The following EPHA1 variants were observed in gnomAD, a reference collection of about 807,000 sequenced individuals.
EPHA1 encodes the protein ephrin type-A receptor 1.
In EPHA1, 92 loss-of-function variants were observed where a neutral mutation model predicts 110.1. The ratio of observed to expected loss-of-function variants is 0.84; its 90% CI spans 0.71 to 0.99. EPHA1 has a LOEUF of 0.99. Ranked by LOEUF, EPHA1 falls within the 50% of genes least tolerant of loss-of-function variation. The pLI, the probability that EPHA1 is intolerant of heterozygous loss-of-function variation, is 0.00. For synonymous variants in EPHA1, 500 were observed against 516.1 expected, an observed-to-expected ratio of 0.97 and a Z score of 0.42; for missense variants, 1,204 against 1,285.4, an observed-to-expected ratio of 0.94 and a Z score of 0.97.
At position 143,405,142 on chromosome 7, in the gene EPHA1, C is replaced by T. The variant is rs1055066347; in HGVS notation, c.150+2469G>A. Among the ~76,000 whole-genome samples the T allele has an allele frequency of 2.6e-5, 4 of 152,138 alleles. No individual in the cohort carries two copies. The East Asian group carries it at 7.8e-4, about 30-fold the overall frequency. ...ATGAAAAAGGCACCAGGAGGCTTCT[C>T]CTAAGGAAGGCTGTGCTGGGGAAGC... On this transcript the variant is annotated intron_variant, in intron 2 of 17. Transcript: ENST00000275815.
chr7:143,401,610 AAGG>A lies in EPHA1; in HGVS notation c.151-8_151-6del. 1 of 1,606,652 alleles carries A rather than the reference AAGG, an allele frequency of 6.2e-7. No homozygotes were observed. The highest frequency in any genetic ancestry group is 8.5e-7 in the Non-Finnish European group (1 of 1,173,826). On this transcript the variant is annotated splice_polypyrimidine_tract_variant and splice_region_variant and intron_variant, in intron 2 of 17. Coordinates refer to ENST00000275815, the MANE Select transcript of EPHA1 (RefSeq NM_005232.5). The surrounding 1 kb of genome is among the most constrained non-coding windows in gnomAD (Gnocchi z 4.1). ...TATCTGTTGCTGTTCACTCCACTGC[AAGG>A]AGGAAATCAGAGTCAGGGACCAGAT...
In EPHA1 at chr7:143,397,345, C is replaced by T; in HGVS notation, c.1730G>A (p.Arg577Lys). ...VFRSRRAQRQ[R>K]QQRQRDRATD... ...GGCGCGGTCACGCTGCCTCTGCTGCCTCTGCCGCTGGGCTCTCCTGTGGGG... is the reference window on the plus strand; with the variant it reads ...GGCGCGGTCACGCTGCCTCTGCTGCTTCTGCCGCTGGGCTCTCCTGTGGGG... The change falls in exon 10 of 18, where the codon AGG becomes AAG. Residue 577 changes from arginine to lysine, a missense_variant. Transcript: ENST00000275815. 1 of 1,550,096 alleles carries T rather than the reference C, an allele frequency of 6.5e-7. No individual in the cohort carries two copies. The highest frequency in any genetic ancestry group is 8.7e-7 in the Non-Finnish European group (1 of 1,146,912).
Position 143,398,920 on chromosome 7 carries a change from C to T in EPHA1, c.1017G>A (p.Leu339=), listed in dbSNP as rs147429531. 2.5e-6 allele frequency: 4 copies of T among 1,611,012 alleles called. No homozygotes were observed. The highest frequency in any genetic ancestry group is 1.1e-5 in the South Asian group (1 of 90,856). Residue 339 remains leucine, a synonymous_variant, in exon 6 of 18, where the codon CTG becomes CTA. Coordinates refer to ENST00000275815, the MANE Select transcript of EPHA1 (RefSeq NM_005232.5). ...GCTGAGTCCCTGAGGCAGAGAAGCT[C>T]AGGTTTCGGGGGGCCGAGGGGGGAC... ...CTGPPSAPRN[L]SFSASGTQLS... is the part of the protein sequence containing the mutation.
At chr7:143,400,947 A>G (rs10952550) in intron 3 of EPHA1, 211,700 of 227,416 alleles carry the variant, frequency 0.93, 98,782 homozygotes, top group Middle Eastern at 0.99. Flanking sequence ...AGGCTGGTGT[A>G]CAGTGGCACA....
chr7:143,405,166 G>C (rs1484247435), intron 2 of EPHA1, among the ~76,000 whole-genome samples: 1 of 152,080 alleles, frequency 6.6e-6, no homozygotes, highest in African/African-American at 2.4e-5. Flanking sequence ...TGCTGGGGAA[G>C]CCCAAGTGGA....
In EPHA1 at chr7:143,395,555, AG is replaced by A. The variant is rs774592197; in HGVS notation, c.1898-52del. On this transcript the variant is annotated intron_variant, in intron 11 of 17. Transcript: ENST00000275815. This position sits in a 1 kb window ranked among gnomAD's most constrained non-coding sequence, Gnocchi z 4.7. ...GCCCGATGCACTGCAGGGCTCCTCCAGGGGACAGGCAGCAACCCCTCCAGTC... is the reference window on the plus strand; with the variant it reads ...GCCCGATGCACTGCAGGGCTCCTCCAGGGACAGGCAGCAACCCCTCCAGTC... The A allele has an allele frequency of 6.3e-7, 1 of 1,591,746 alleles. No homozygotes were observed. The highest frequency in any genetic ancestry group is 2.2e-5 in the East Asian group (1 of 44,642).
In EPHA1 at chr7:143,395,462, C is replaced by A. The variant is rs1805217669; in HGVS notation, c.1940G>T (p.Ser647Ile). 1 of 1,614,216 alleles carries A rather than the reference C, an allele frequency of 6.2e-7. No individual in the cohort carries two copies. Among genetic ancestry groups the A allele is most frequent in the African/African-American group, 1.3e-5 (1 of 75,054 alleles). Reference protein sequence around the residue: ...EVYRGTLRLPSQDCKTVAIKT... With the variant: ...EVYRGTLRLPIQDCKTVAIKT... Reference sequence around the variant, plus strand: ...AATGGCCACAGTCTTGCAGTCCTGGCTGGGGAGCCTCAGGGTCCCTCGATA... The same window carrying A: ...AATGGCCACAGTCTTGCAGTCCTGGATGGGGAGCCTCAGGGTCCCTCGATA... Residue 647 changes from serine (S) to isoleucine (I), a missense_variant, in exon 12 of 18, where the codon AGC becomes ATC. By Grantham distance (142) the Ser-to-Ile change is moderately radical. Transcript: ENST00000275815. This position sits in a 1 kb window ranked among gnomAD's most constrained non-coding sequence, Gnocchi z 4.7.
rs372390038 is a variant in EPHA1 at position 143,393,702 on chromosome 7, A to G, written c.2665T>C (p.Ser889Pro). The part of the protein sequence containing the change: ...HLEQLLANPH[S>P]LRTIANFDPR... Reference sequence around the variant, plus strand: ...TCAAAGTTGGCAATGGTCCGCAGGGAGTGGGGGTTGGCAAGCAGTTGCTCC... The same window carrying G: ...TCAAAGTTGGCAATGGTCCGCAGGGGGTGGGGGTTGGCAAGCAGTTGCTCC... The change falls in exon 16 of 18, where the codon TCC becomes CCC. Residue 889 changes from serine to proline, a missense_variant. Physicochemically the swap from Ser to Pro is moderately conservative, Grantham distance 74. Coordinates refer to ENST00000275815, the MANE Select transcript of EPHA1 (RefSeq NM_005232.5). The surrounding 1 kb of genome is among the most constrained non-coding windows in gnomAD (Gnocchi z 5.6). 6.2e-7 allele frequency: 1 copy of G among 1,613,416 alleles called. No homozygotes were observed.
chr7:143,394,323 A>C lies in EPHA1; in HGVS notation c.2373T>G (p.Arg791=), dbSNP rs201338212. 2.1e-5 allele frequency: 34 copies of C among 1,613,946 alleles called. 1 individual carries two copies. The Middle Eastern group carries it at 6.6e-4, about 31-fold the overall frequency. ...YETQGGKIPI[R]WTAPEAIAHR... is the part of the protein sequence containing the mutation. ...GGGCAATGGCTTCAGGGGCTGTCCA[A>C]CGGATAGGGATCTTTCCTCCCTAAG... The change falls in exon 15 of 18, where the codon CGT becomes CGG. Residue 791 remains arginine (R), a synonymous_variant. Coordinates refer to ENST00000275815, the MANE Select transcript of EPHA1 (RefSeq NM_005232.5).
In EPHA1 at chr7:143,398,452, G is replaced by A. The variant is rs377340858; in HGVS notation, c.1337-4C>T. ...AGAGACAGGCCTGACAGTGACTCTG[G>A]GGGTCCAGAGGGATAAGGTTGGATA... is the stretch of plus-strand genomic sequence containing the variant. On this transcript the variant is annotated splice_region_variant and splice_polypyrimidine_tract_variant and intron_variant, in intron 6 of 17. Coordinates refer to ENST00000275815, the MANE Select transcript of EPHA1 (RefSeq NM_005232.5). The A allele has an allele frequency of 6.2e-6, 10 of 1,613,984 alleles. No individual in the cohort carries two copies. The highest frequency in any genetic ancestry group is 5.3e-5 in the African/African-American group (4 of 74,916).
intron 16 of EPHA1, among the ~76,000 whole-genome samples, 160 bp from the exon 17 acceptor site, chr7:143,391,935 G>T (rs1805099146): frequency 1.3e-5 from 2 of 152,190 alleles, no homozygotes; most frequent in African/African-American, 4.8e-5. Flanking sequence ...CCACTTCCTG[G>T]CCTGTTTCCT....
chr7:143,395,588 C>T lies in EPHA1; in HGVS notation c.1898-84G>A. ...GGCAGCAACCCCTCCAGTCCTCCGGCCCTTTTCTTTTCTGGAGAATCAGAA... is the reference window on the plus strand; with the variant it reads ...GGCAGCAACCCCTCCAGTCCTCCGGTCCTTTTCTTTTCTGGAGAATCAGAA... On this transcript the variant is annotated intron_variant, in intron 11 of 17. Coordinates refer to ENST00000275815, the MANE Select transcript of EPHA1 (RefSeq NM_005232.5). The surrounding 1 kb of genome is among the most constrained non-coding windows in gnomAD (Gnocchi z 4.7). 1 of 1,420,148 alleles carries T rather than the reference C, an allele frequency of 7.0e-7. No individual in the cohort carries two copies. Among genetic ancestry groups the T allele is most frequent in the Non-Finnish European group, 9.6e-7 (1 of 1,042,690 alleles). 88.0% of individuals were successfully genotyped at this position (1,420,148 alleles called of 1,614,324 possible).
chr7:143,401,588 C>G lies in EPHA1; in HGVS notation c.168G>C (p.Gln56His). The G allele has an allele frequency of 6.2e-7, 1 of 1,612,916 alleles. No individual in the cohort carries two copies. The highest frequency in any genetic ancestry group is 8.5e-7 in the Non-Finnish European group (1 of 1,179,022). ...TGTACAGGGGTGTCCCATTCAGTATCTGTTGCTGTTCACTCCACTGCAAGG... is the reference window on the plus strand; with the variant it reads ...TGTACAGGGGTGTCCCATTCAGTATGTGTTGCTGTTCACTCCACTGCAAGG... ...PPKDGWSEQQ[Q>H]ILNGTPLYMY... Residue 56 changes from glutamine to histidine, a missense_variant, in exon 3 of 18, where the codon CAG (glutamine) becomes CAC (histidine). By Grantham distance (24) the Gln-to-His change is conservative. Coordinates refer to ENST00000275815, the MANE Select transcript of EPHA1 (RefSeq NM_005232.5). The surrounding 1 kb of genome is among the most constrained non-coding windows in gnomAD (Gnocchi z 4.1).
At chr7:143,406,160 TG>T (rs1805542161) in intron 2 of EPHA1, among the ~76,000 whole-genome samples, 1 of 151,832 alleles carries the variant, frequency 6.6e-6, no homozygotes, top group African/African-American at 2.4e-5. Flanking sequence ...TAGACTGGGG[TG>T]GGGGAGGCCT....
rs1412334805 is a variant in EPHA1 at position 143,398,703 on chromosome 7, A to G, written c.1234T>C (p.Tyr412His). 2 of 1,614,090 alleles carry G rather than the reference A, an allele frequency of 1.2e-6. No individual in the cohort carries two copies. The highest frequency in any genetic ancestry group is 8.5e-7 in the Non-Finnish European group (1 of 1,179,984). The change falls in exon 6 of 18, where the codon TAT (tyrosine) becomes CAT (histidine). Residue 412 changes from tyrosine (Y) to histidine (H), a missense_variant. Physicochemically the swap from Tyr to His is moderately conservative, Grantham distance 83 (BLOSUM62 2). Coordinates refer to ENST00000275815, the MANE Select transcript of EPHA1 (RefSeq NM_005232.5). ...PAVHVNGLEP[Y>H]ANYTFNVEAQ... Reference sequence around the variant, plus strand: ...TCCACATTAAAGGTGTAGTTGGCATAAGGTTCAAGGCCATTGACATGCACT... The same window carrying G: ...TCCACATTAAAGGTGTAGTTGGCATGAGGTTCAAGGCCATTGACATGCACT...
chr7:143,399,229 G>A, intron 5 of EPHA1, 29 bp downstream of exon 5: 1 of 1,597,640 alleles, frequency 6.3e-7, no homozygotes. Flanking sequence ...CCTCCCTCCA[G>A]ATGGCCACGC....
At chr7:143,397,183 A>C in intron 10 of EPHA1, 121 bp downstream of exon 10, 7 of 1,207,786 alleles carry the variant, frequency 5.8e-6, no homozygotes, top group Non-Finnish European at 7.9e-6. Flanking sequence ...ATGTGCCCCC[A>C]GAGTTGGCCT....
Position 143,391,706 on chromosome 7 carries a change from G to C in EPHA1, c.2766C>G (p.Leu922=), listed in dbSNP as rs561599348. ...TGTAGCGTTTCATGCGTATGGACTC[G>C]AGCCACTCAGAGACGGTTCGATATG... ...GIPYRTVSEW[L]ESIRMKRYIL... The change falls in exon 17 of 18, where the codon CTC becomes CTG. Residue 922 remains leucine, a synonymous_variant. Transcript: ENST00000275815. The C allele has an allele frequency of 2.5e-6, 4 of 1,614,020 alleles. No homozygotes were observed. Among genetic ancestry groups the C allele is most frequent in the East Asian group, 2.2e-5 (1 of 44,876 alleles).
At chr7:143,407,896 G>A in intron 1 of EPHA1, 1 of 401,694 alleles carries the variant, frequency 2.5e-6, no homozygotes. Context: ...GGCAGGTAGA[G>A]TGGGACAAGG....
Sources: gnomAD v4.1 joint callset for allele counts (sites outside exome capture counted in the v4.1 genomes callset) on GRCh38, gnomAD v4.1.1 for gene constraint, Gnocchi (gnomAD v3.1) non-coding constraint, MANE v1.5 for transcripts, NCBI Gene and HGNC (gene_info 2026-07-23, HGNC 2026-07-21) for gene names.